The following AKR1C8 variants were observed in gnomAD, a reference collection of about 807,000 sequenced individuals.
AKR1C8 encodes aldo-keto reductase family 1 member C8, also known as aldo-keto reductase family 1 member C-like protein 1.
At chr10:5,165,752 G>C in the AKR1C8 span, among the ~76,000 whole-genome samples, 3 of 152,240 alleles carry the variant, frequency 2.0e-5, no homozygotes, top group East Asian at 3.9e-4. Context: ...TGAAAAGACA[G>C]AGATGGGGTT....
the AKR1C8 span, among the ~76,000 whole-genome samples, chr10:5,179,410 C>T: frequency 6.6e-6 from 1 of 152,154 alleles, no homozygotes; most frequent in Non-Finnish European, 1.5e-5. Flanking sequence ...CTGCCCTTAA[C>T]ATTTTTTCCT....
the AKR1C8 span, among the ~76,000 whole-genome samples, chr10:5,152,931 C>A: frequency 6.6e-6 from 1 of 151,840 alleles, no homozygotes; most frequent in East Asian, 1.9e-4. Context: ...GAGGGAGCTA[C>A]CACCTTTATA....
At chr10:5,132,324 A>G in the AKR1C8 span, among the ~76,000 whole-genome samples, 1 of 152,210 alleles carries the variant, frequency 6.6e-6, no homozygotes, top group African/African-American at 2.4e-5. Context: ...CACAAAAGCC[A>G]TTGAAATTAA....
the AKR1C8 span, among the ~76,000 whole-genome samples, chr10:5,181,255 A>C: frequency 6.6e-6 from 1 of 152,370 alleles, no homozygotes; most frequent in East Asian, 1.9e-4. Context: ...TTATCTATAA[A>C]GTTTCATTAA....
At chr10:5,180,467 C>A in the AKR1C8 span, among the ~76,000 whole-genome samples, 2 of 152,224 alleles carry the variant, frequency 1.3e-5, no homozygotes, top group Non-Finnish European at 2.9e-5. Flanking sequence ...GTTCTCAGAG[C>A]TCCAGCTGCA....
chr10:5,130,920 C>T, the AKR1C8 span, among the ~76,000 whole-genome samples: 5 of 151,838 alleles, frequency 3.3e-5, no homozygotes, highest in Non-Finnish European at 4.4e-5. Context: ...AATCTGGAGG[C>T]AGTACATTAC....
chr10:5,120,877 T>C, the AKR1C8 span, among the ~76,000 whole-genome samples: 42,321 of 151,978 alleles, frequency 0.28, 6,749 homozygotes, highest in Non-Finnish European at 0.36. Flanking sequence ...GTTTGGAGTG[T>C]AGAAGTGGAA....
the AKR1C8 span, among the ~76,000 whole-genome samples, chr10:5,178,882 G>T: frequency 2.8e-4 from 42 of 152,252 alleles, no homozygotes; most frequent in East Asian, 5.8e-4. Flanking sequence ...CTCTGCACAT[G>T]AGATGCGTTT....
At chr10:5,164,759 A>G in the AKR1C8 span, among the ~76,000 whole-genome samples, 1 of 152,120 alleles carries the variant, frequency 6.6e-6, no homozygotes, top group South Asian at 2.1e-4. Flanking sequence ...GCAGCTGAAA[A>G]GAGGTCCTAA....
At chr10:5,176,706 T>C in the AKR1C8 span, among the ~76,000 whole-genome samples, 8 of 152,198 alleles carry the variant, frequency 5.3e-5, no homozygotes, top group South Asian at 2.1e-4. Flanking sequence ...CCCTTGTAAG[T>C]TGGATTCCTA....
the AKR1C8 span, among the ~76,000 whole-genome samples, chr10:5,124,771 A>C: frequency 6.6e-6 from 1 of 152,174 alleles, no homozygotes; most frequent in South Asian, 2.1e-4. Flanking sequence ...GGGAAAACAC[A>C]TCTCTATGAA....
the AKR1C8 span, chr10:5,157,784 G>A: frequency 4.2e-6 from 2 of 471,046 alleles, no homozygotes; most frequent in Non-Finnish European, 8.8e-6. Flanking sequence ...AAGAGATGTG[G>A]GCAGTCGGGA....
chr10:5,127,736 A>G, the AKR1C8 span, among the ~76,000 whole-genome samples: 1 of 150,764 alleles, frequency 6.6e-6, no homozygotes, highest in African/African-American at 2.4e-5. Context: ...AAAAAAAAAA[A>G]AAAAAAAAAA....
the AKR1C8 span, among the ~76,000 whole-genome samples, chr10:5,142,813 T>G: frequency 6.6e-6 from 1 of 152,082 alleles, no homozygotes; most frequent in African/African-American, 2.4e-5. Flanking sequence ...TTGCAAAAAT[T>G]ACTGAAATGT....
At chr10:5,153,658 G>A in the AKR1C8 span, among the ~76,000 whole-genome samples, 208 of 152,232 alleles carry the variant, frequency 1.4e-3, 1 homozygote, top group African/African-American at 4.8e-3. Flanking sequence ...CAGAGCAGCA[G>A]GAAGAGAGTG....
At chr10:5,165,820 C>A in the AKR1C8 span, among the ~76,000 whole-genome samples, 4 of 152,070 alleles carry the variant, frequency 2.6e-5, no homozygotes, top group South Asian at 4.1e-4. Flanking sequence ...CAATGTCTCC[C>A]AGACACCTAG....
At chr10:5,140,006 C>G in the AKR1C8 span, among the ~76,000 whole-genome samples, 1 of 152,130 alleles carries the variant, frequency 6.6e-6, no homozygotes, top group African/African-American at 2.4e-5. Context: ...AGACACTTCT[C>G]AAAAGAAGAC....
the AKR1C8 span, among the ~76,000 whole-genome samples, chr10:5,133,784 G>A: frequency 6.6e-6 from 1 of 152,162 alleles, no homozygotes; most frequent in Non-Finnish European, 1.5e-5. Flanking sequence ...ACATCTACGG[G>A]TGGCAGTCTG....
the AKR1C8 span, chr10:5,132,517 C>G: frequency 8.2e-7 from 1 of 1,226,602 alleles, no homozygotes; most frequent in Non-Finnish European, 1.1e-6. Context: ...ACAATTCACC[C>G]ACCTACAGAT....
Sources: allele counts gnomAD v4.1 joint callset (sites outside exome capture counted in the v4.1 genomes callset), GRCh38; gene constraint gnomAD v4.1.1; transcripts MANE v1.5; gene names NCBI Gene and HGNC (gene_info 2026-07-23, HGNC 2026-07-21).